DLG2: variants seen among roughly 807,000 people sequenced by gnomAD.
DLG2 encodes discs large MAGUK scaffold protein 2.
In DLG2, 45 loss-of-function variants were observed where a neutral mutation model predicts 132.5. The observed-to-expected ratio is 0.34, with a 90% CI of 0.27 to 0.44. The LOEUF (loss-of-function observed/expected upper bound fraction) is 0.44, where lower values mean the gene tolerates loss of function less well. DLG2 is among the 20% of genes least tolerant of loss of function. The probability of loss-of-function intolerance (pLI) is 1.00; values close to 1 mark genes in which losing one functional copy is unlikely to be tolerated. For missense variants in DLG2, 1,045 were observed against 1,196.9 expected, an observed-to-expected ratio of 0.87 and a Z score of 1.87; for synonymous variants, 424 against 419.6, an observed-to-expected ratio of 1.01 and a Z score of -0.13.
At chr11:83,653,308 C>T (rs1446495101) in intron 18 of DLG2, among the ~76,000 whole-genome samples, 1 of 152,176 alleles carries the variant, frequency 6.6e-6, no homozygotes, top group African/African-American at 2.4e-5. Flanking sequence ...TATTTATTTT[C>T]TCCTCCAGAG....
intron 16 of DLG2, among the ~76,000 whole-genome samples, chr11:83,841,280 G>A (rs1242091142): frequency 1.3e-5 from 2 of 152,296 alleles, no homozygotes; most frequent in South Asian, 2.1e-4. Context: ...ATACTAGAAT[G>A]ATTTGGGGAC....
At chr11:84,581,733 C>A (rs190208406) in intron 6 of DLG2, among the ~76,000 whole-genome samples, 1 of 151,856 alleles carries the variant, frequency 6.6e-6, no homozygotes, top group East Asian at 1.9e-4. Flanking sequence ...ATGGTGAAAA[C>A]CCATCTGTAC....
chr11:85,261,024 G>T (rs542791612), intron 4 of DLG2, among the ~76,000 whole-genome samples: 1 of 152,164 alleles, frequency 6.6e-6, no homozygotes, highest in Non-Finnish European at 1.5e-5. Flanking sequence ...GATGTCATGG[G>T]TGCATCTGGC....
chr11:84,359,536 T>A (rs141038159), intron 7 of DLG2, among the ~76,000 whole-genome samples: 1 of 151,910 alleles, frequency 6.6e-6, no homozygotes, highest in Non-Finnish European at 1.5e-5. Flanking sequence ...ATTTAGTTTT[T>A]CCAAGTGAAA....
intron 6 of DLG2, among the ~76,000 whole-genome samples, chr11:84,849,148 A>G (rs999521366): frequency 4.6e-5 from 7 of 152,330 alleles, no homozygotes; most frequent in Admixed American, 3.3e-4. Context: ...CAAATTGTCC[A>G]GCTTCTGAAC....
At chr11:83,906,261 A>T (rs895713071) in intron 15 of DLG2, among the ~76,000 whole-genome samples, 4,301 of 14,510 alleles carry the variant, frequency 0.3, 81 homozygotes, top group African/African-American at 0.42. Context: ...TCTCTCTCAC[A>T]CACACACACA....
intron 6 of DLG2, among the ~76,000 whole-genome samples, chr11:85,096,265 C>G (rs2069749988): frequency 6.6e-6 from 1 of 152,178 alleles, no homozygotes; most frequent in South Asian, 2.1e-4. Context: ...AAGCTTTGTT[C>G]TTTCGCTCTT....
intron 16 of DLG2, among the ~76,000 whole-genome samples, chr11:83,846,347 T>G (rs1595350105): frequency 6.6e-6 from 1 of 152,248 alleles, no homozygotes; most frequent in South Asian, 2.1e-4. Flanking sequence ...GAATTCACAC[T>G]TTATACTTGG....
chr11:84,418,161 G>C (rs528528527), intron 7 of DLG2, among the ~76,000 whole-genome samples: 5 of 152,040 alleles, frequency 3.3e-5, no homozygotes, highest in Non-Finnish European at 5.9e-5. Flanking sequence ...GCTACCATAC[G>C]GCAGCACAAT....
chr11:85,549,292 G>A (rs150486543), intron 3 of DLG2, among the ~76,000 whole-genome samples: 3 of 151,988 alleles, frequency 2.0e-5, no homozygotes, highest in Non-Finnish European at 4.4e-5. Context: ...GCTTCCACTC[G>A]CCCTCCTTGG....
At chr11:84,804,434 T>C (rs1788242187) in intron 6 of DLG2, among the ~76,000 whole-genome samples, 2 of 152,196 alleles carry the variant, frequency 1.3e-5, no homozygotes, top group South Asian at 4.1e-4. Flanking sequence ...CAATTCTTCC[T>C]ACTATGTACA....
chr11:84,682,654 G>A (rs190523477), intron 6 of DLG2, among the ~76,000 whole-genome samples: 206 of 152,274 alleles, frequency 1.4e-3, no homozygotes, highest in Middle Eastern at 0.01. Flanking sequence ...TGACCCACAG[G>A]TCTCTCAGTC....
chr11:83,943,877 T>C (rs2083221851), intron 14 of DLG2, among the ~76,000 whole-genome samples: 1 of 152,220 alleles, frequency 6.6e-6, no homozygotes, highest in Non-Finnish European at 1.5e-5. Context: ...TACAGGGAAG[T>C]ATCTCTATTG....
chr11:84,890,121 A>G (rs1361163404), intron 6 of DLG2, among the ~76,000 whole-genome samples: 1 of 152,222 alleles, frequency 6.6e-6, no homozygotes, highest in Non-Finnish European at 1.5e-5. Flanking sequence ...TATTTTCTAG[A>G]TGGCAAAATG....
rs144180403 is a variant in DLG2 at position 84,658,511 on chromosome 11, T to C, written c.358-123780A>G. On this transcript the variant is annotated intron_variant, in intron 6 of 27. Transcript: ENST00000376104. ...GGTTTGAATGCTTGTCCCCTCTAAA[T>C]CTCATGTTGAAATGTGATCCCCAAT... Among the ~76,000 whole-genome samples the C allele has an allele frequency of 3.3e-3, 495 of 152,162 alleles. 5 individuals are homozygous for C. The highest frequency in any genetic ancestry group is 5.4e-3 in the Non-Finnish European group (364 of 67,990).
At position 84,961,216 on chromosome 11, in the gene DLG2, G is replaced by T. The variant is rs190875295; in HGVS notation, c.357+150445C>A. ...ACACAAGCTCAGAATTTTCAGCATG[G>T]GTCTTTGAACTGAATGTATAATTGA... On this transcript the variant is annotated intron_variant, in intron 6 of 27. Transcript: ENST00000376104. 2.6e-5 allele frequency among the ~76,000 whole-genome samples: 4 copies of T among 151,582 alleles called. No individual in the cohort carries two copies. In the East Asian group the frequency reaches 7.8e-4, roughly 30 times the overall value.
intron 6 of DLG2, among the ~76,000 whole-genome samples, chr11:84,948,698 A>T (rs1301234203): frequency 1.3e-5 from 2 of 152,170 alleles, no homozygotes; most frequent in Non-Finnish European, 2.9e-5. Context: ...TTTGGCCACC[A>T]ATATAAACCT....
intron 18 of DLG2, among the ~76,000 whole-genome samples, chr11:83,739,864 T>C (rs879484899): frequency 6.6e-6 from 1 of 152,122 alleles, no homozygotes; most frequent in Non-Finnish European, 1.5e-5. Flanking sequence ...CTGGTGAACA[T>C]GAGAGGTATG....
At chr11:84,199,650 T>A (rs2096566702) in intron 8 of DLG2, among the ~76,000 whole-genome samples, 1 of 151,974 alleles carries the variant, frequency 6.6e-6, no homozygotes, top group Non-Finnish European at 1.5e-5. Flanking sequence ...AAAAATACAT[T>A]AAATTATCAA....
Sources: allele counts gnomAD v4.1 joint callset (sites outside exome capture counted in the v4.1 genomes callset), GRCh38; gene constraint gnomAD v4.1.1; transcripts MANE v1.5; gene names NCBI Gene and HGNC (gene_info 2026-07-23, HGNC 2026-07-21).